The following PTPRB variants were observed in gnomAD, a reference collection of about 807,000 sequenced individuals.
The protein encoded by PTPRB is protein tyrosine phosphatase receptor type B.
PTPRB carries 97 observed loss-of-function variants against 238.1 expected under a neutral mutation model. That is an observed-to-expected ratio of 0.41 (90% CI 0.35 to 0.48). The LOEUF (loss-of-function observed/expected upper bound fraction) is 0.48, where lower values mean the gene tolerates loss of function less well. PTPRB is among the 20% of genes least tolerant of loss of function. PTPRB has a pLI of 0.30. For missense variants in PTPRB, 2,292 were observed against 2,681.9 expected (o/e 0.85, Z 3.21); for synonymous variants, 970 against 995.4 (o/e 0.97, Z 0.48).
At chr12:70,553,136 A>G (rs1296970355) in intron 20 of PTPRB, 116 bp from the exon 21 acceptor site, 21 of 1,238,696 alleles carry the variant, frequency 1.7e-5, no homozygotes, top group Non-Finnish European at 2.2e-5. Flanking sequence ...GCCATTTCCA[A>G]AGTACAGATT....
intron 2 of PTPRB, among the ~76,000 whole-genome samples, chr12:70,626,283 A>T (rs1480616005): frequency 1.5e-5 from 2 of 134,242 alleles, no homozygotes; most frequent in African/African-American, 5.6e-5. Flanking sequence ...GAAAAGGATG[A>T]TGTCTATCCA....
intron 4 of PTPRB, among the ~76,000 whole-genome samples, chr12:70,598,812 T>C (rs1365885848): frequency 6.6e-6 from 1 of 152,164 alleles, no homozygotes; most frequent in African/African-American, 2.4e-5. Context: ...AATCCAAACA[T>C]ATATAATCCA....
intron 8 of PTPRB, among the ~76,000 whole-genome samples, chr12:70,588,109 A>AAAAAG (rs1170649760): frequency 1.2e-3 from 158 of 136,988 alleles, no homozygotes; most frequent in Middle Eastern, 3.7e-3. Context: ...AAAAAAAAAA[A>AAAAAG]AAAAGAAAAG....
At chr12:70,624,847 A>C (rs1170777931) in intron 2 of PTPRB, among the ~76,000 whole-genome samples, 1 of 152,164 alleles carries the variant, frequency 6.6e-6, no homozygotes. Flanking sequence ...GCTGTTGGTA[A>C]GTTTCTATCC....
intron 24 of PTPRB, 22 bp from the exon 25 acceptor site, chr12:70,539,866 G>T: frequency 6.3e-7 from 1 of 1,575,634 alleles, no homozygotes; most frequent in South Asian, 1.1e-5. Context: ...AGCCAAAAGA[G>T]GAAGACTTTG....
At chr12:70,589,920 C>T (rs767292385) in intron 8 of PTPRB, 44 bp downstream of exon 8, 4 of 1,573,526 alleles carry the variant, frequency 2.5e-6, no homozygotes, top group Non-Finnish European at 8.6e-7. Context: ...GGAGAGGGAA[C>T]AAATTACTCT....
At chr12:70,622,949 A>AGGG (rs11302137) in intron 2 of PTPRB, among the ~76,000 whole-genome samples, 15 of 147,958 alleles carry the variant, frequency 1.0e-4, no homozygotes, top group African/African-American at 2.3e-4. Context: ...ATGAGAATTT[A>AGGG]GGGGGGGGGT....
intron 1 of PTPRB, 75 bp downstream of exon 1, chr12:70,637,266 G>A (rs1316604606): frequency 2.3e-5 from 32 of 1,369,704 alleles, no homozygotes; most frequent in Non-Finnish European, 3.2e-5. Context: ...CCTTATTTCA[G>A]ACACTTCAAA....
chr12:70,560,538 C>A lies in PTPRB; in HGVS notation c.4432+133G>T. On this transcript the variant is annotated intron_variant, in intron 17 of 33. Coordinates refer to ENST00000334414, the MANE Select transcript of PTPRB (RefSeq NM_001109754.4). This position sits in a 1 kb window ranked among gnomAD's most constrained non-coding sequence, Gnocchi z 4.2. Reference sequence around the variant, plus strand: ...TCCTTTATCTGTTGTCCCACAGTCCCTTCCCAAATTCAGGGGCTAGCTCAG... The same window carrying A: ...TCCTTTATCTGTTGTCCCACAGTCCATTCCCAAATTCAGGGGCTAGCTCAG... The A allele has an allele frequency of 8.4e-7, 1 of 1,193,288 alleles. No homozygotes were observed. The highest frequency in any genetic ancestry group is 1.5e-5 in the African/African-American group (1 of 65,484). 73.9% of individuals were successfully genotyped at this position (1,193,288 alleles called of 1,614,324 possible).
chr12:70,613,189 G>A (rs1884536920), intron 3 of PTPRB, among the ~76,000 whole-genome samples: 1 of 151,964 alleles, frequency 6.6e-6, no homozygotes, highest in South Asian at 2.1e-4. Context: ...AGAGTAGACT[G>A]GTTAGGTTAA....
At position 70,560,962 on chromosome 12, in the gene PTPRB, G is replaced by A; in HGVS notation, c.4169-28C>T. ...TAAACAGAAGAAAAATTGTTACTGA[G>A]AACAAAACAGAAACACAGGCATTTT... On this transcript the variant is annotated intron_variant, in intron 16 of 33. Coordinates refer to ENST00000334414, the MANE Select transcript of PTPRB (RefSeq NM_001109754.4). This position sits in a 1 kb window ranked among gnomAD's most constrained non-coding sequence, Gnocchi z 4.2. The A allele has an allele frequency of 6.3e-7, 1 of 1,596,146 alleles. No individual in the cohort carries two copies.
At chr12:70,626,556 C>T (rs547661765) in intron 2 of PTPRB, among the ~76,000 whole-genome samples, 6 of 151,996 alleles carry the variant, frequency 3.9e-5, no homozygotes, top group Non-Finnish European at 2.9e-5. Flanking sequence ...TTTTCCTTGT[C>T]ATTATTCGCT....
chr12:70,600,126 T>C (rs1231979946), intron 4 of PTPRB, among the ~76,000 whole-genome samples: 4 of 152,188 alleles, frequency 2.6e-5, no homozygotes, highest in African/African-American at 9.7e-5. Flanking sequence ...TCTTTAGAAT[T>C]AGAAGTGATT....
Position 70,517,796 on chromosome 12 carries a change from G to C in PTPRB, c.*3693C>G, listed in dbSNP as rs990915451. 1.2e-4 allele frequency: 19 copies of C among 152,140 alleles called. 1 individual carries two copies. The highest frequency in any genetic ancestry group is 4.6e-4 in the African/African-American group (19 of 41,424). The allele number at this position is 152,140 out of a possible 1,614,324, so 9.4% of individuals were successfully genotyped here. A position where few individuals can be genotyped will look rare whatever the true frequency, so the allele number is the denominator to read the frequency against. ...GCTCAGATACTACCACTGCTGTTGT[G>C]CAGATCTGGTAGCTTTATGATTTCA... On this transcript the variant is annotated 3_prime_UTR_variant, in exon 34 of 34. Coordinates refer to ENST00000334414, the MANE Select transcript of PTPRB (RefSeq NM_001109754.4).
intron 11 of PTPRB, among the ~76,000 whole-genome samples, chr12:70,572,644 C>T (rs903575814): frequency 4.6e-5 from 7 of 151,944 alleles, no homozygotes; most frequent in African/African-American, 1.7e-4. Flanking sequence ...TGGTGCACAC[C>T]TGTAGTTCCA....
intron 2 of PTPRB, among the ~76,000 whole-genome samples, chr12:70,628,189 AG>A (rs1885291852): frequency 1.3e-5 from 2 of 152,222 alleles, no homozygotes; most frequent in South Asian, 4.1e-4. Flanking sequence ...GAATTAAAAA[AG>A]AAAATTCCTG....
chr12:70,556,183 C>T (rs1458235343), intron 18 of PTPRB, 35 bp from the exon 19 acceptor site: 6 of 1,559,458 alleles, frequency 3.8e-6, no homozygotes, highest in Non-Finnish European at 5.2e-6. Context: ...CTTTTCAGAA[C>T]TCAGGGAGAA....
In PTPRB at chr12:70,539,700, T is replaced by C; in HGVS notation, c.5703A>G (p.Ile1901Met). 6.2e-7 allele frequency: 1 copy of C among 1,601,964 alleles called. No individual in the cohort carries two copies. The highest frequency in any genetic ancestry group is 8.5e-7 in the Non-Finnish European group (1 of 1,171,714). The stretch of plus-strand genomic sequence containing the variant: ...AATGCCCTTCAAACTGATTTATTTT[T>C]ATTGGACTGTAATTAAAAATGAAAC... Reference protein sequence around the residue: ...QKGNRKTSCPIKINQFEGHFM... With the variant: ...QKGNRKTSCPMKINQFEGHFM... The change falls in exon 26 of 34, where the codon ATA becomes ATG. Residue 1901 changes from isoleucine (I) to methionine (M), a missense_variant. By Grantham distance (10) the Ile-to-Met change is conservative. Coordinates refer to ENST00000334414, the MANE Select transcript of PTPRB (RefSeq NM_001109754.4).
chr12:70,568,758 T>C (rs1321613210), intron 14 of PTPRB, among the ~76,000 whole-genome samples: 3 of 152,188 alleles, frequency 2.0e-5, no homozygotes, highest in East Asian at 1.9e-4. Flanking sequence ...CTAAGAAGTA[T>C]TGTGTCACAG....
Sources: gnomAD v4.1 joint callset for allele counts (sites outside exome capture counted in the v4.1 genomes callset) on GRCh38, gnomAD v4.1.1 for gene constraint, Gnocchi (gnomAD v3.1) non-coding constraint, MANE v1.5 for transcripts, NCBI Gene and HGNC (gene_info 2026-07-23, HGNC 2026-07-21) for gene names.